Variants in AMZ2 observed in about 807,000 individuals in gnomAD.
AMZ2 encodes the protein archaemetzincin-2.
In AMZ2, 26 loss-of-function variants were observed where a neutral mutation model predicts 36.7. The ratio of observed to expected loss-of-function variants is 0.71; its 90% CI spans 0.52 to 0.98. AMZ2 has a LOEUF of 0.98. AMZ2 is among the 50% of genes least tolerant of loss of function. The pLI, the probability that AMZ2 is intolerant of heterozygous loss-of-function variation, is 0.00. For missense variants in AMZ2, 394 were observed against 430.5 expected (o/e 0.92, Z 0.75); for synonymous variants, 144 against 149.1 (o/e 0.97, Z 0.25).
chr17:68,236,751 T>C (rs1205449710), intron 1 of AMZ2, among the ~76,000 whole-genome samples: 2 of 151,804 alleles, frequency 1.3e-5, no homozygotes, highest in African/African-American at 4.8e-5. Flanking sequence ...TTTTTTTTTA[T>C]ATATATTTTA....
At chr17:68,210,716 G>T (rs2073019158) in intron 1 of AMZ2, among the ~76,000 whole-genome samples, 1 of 152,124 alleles carries the variant, frequency 6.6e-6, no homozygotes, top group African/African-American at 2.4e-5. Context: ...GGGGGGCCAC[G>T]GTGGGAGGAT....
chr17:68,237,334 C>G (rs1186514232), intron 1 of AMZ2, among the ~76,000 whole-genome samples: 15 of 143,504 alleles, frequency 1.0e-4, no homozygotes, highest in African/African-American at 4.2e-4. Context: ...TTTTGTTGTT[C>G]TTCCTATTCT....
At chr17:68,207,878 CG>C (rs1454358939) in intron 1 of AMZ2, among the ~76,000 whole-genome samples, 1 of 150,802 alleles carries the variant, frequency 6.6e-6, no homozygotes, top group African/African-American at 2.4e-5. Context: ...AGGCGGGAAC[CG>C]GGGCTGCGAG....
intron 1 of AMZ2, among the ~76,000 whole-genome samples, chr17:68,213,432 G>A (rs1253746969): frequency 1.3e-5 from 2 of 152,172 alleles, no homozygotes; most frequent in Admixed American, 1.3e-4. Context: ...TTAGAATTAG[G>A]TCACATGAAA....
upstream of AMZ2, chr17:68,247,610 G>A (rs1599391795): frequency 4.1e-6 from 4 of 984,348 alleles, no homozygotes; most frequent in Non-Finnish European, 4.8e-6. Context: ...TGACGGCCCC[G>A]GGGAGCGCTG....
rs2074253308 is a variant in AMZ2, at chr17:68,249,186, C to T, written c.-1+481C>T. The T allele has an allele frequency of 3.4e-6, 3 of 890,624 alleles. No homozygotes were observed. The South Asian group carries it at 1.7e-4, about 50-fold the overall frequency. 55.2% of individuals were successfully genotyped at this position (890,624 alleles called of 1,614,324 possible). On this transcript the variant is annotated intron_variant, in intron 1 of 6. Coordinates refer to ENST00000359904, the MANE Select transcript of AMZ2 (RefSeq NM_016627.5). ...AACTTCAGTGGCTAAGCTGTAGTTT[C>T]TCAGCCTGCAGTTAAATTGCAGAAA... is the stretch of plus-strand genomic sequence containing the variant.
chr17:68,256,466 T>C (rs1233506156), intron 6 of AMZ2, among the ~76,000 whole-genome samples: 1 of 152,256 alleles, frequency 6.6e-6, no homozygotes, highest in Non-Finnish European at 1.5e-5. Context: ...CACTTATATA[T>C]GTATATACGT....
intron 4 of AMZ2, among the ~76,000 whole-genome samples, chr17:68,252,910 T>C (rs145711560): frequency 3.2e-4 from 48 of 152,344 alleles, no homozygotes; most frequent in African/African-American, 1.0e-3. Context: ...CAGGAAACAT[T>C]TCCCCAAACT....
chr17:68,207,312 T>TCCCCCC (rs1599240418), intron 1 of AMZ2: 3 of 55,516 alleles, frequency 5.4e-5, no homozygotes, highest in Non-Finnish European at 1.1e-4. Flanking sequence ...TTTTGTTAAA[T>TCCCCCC]ACCCCCCCCC....
intron 1 of AMZ2, among the ~76,000 whole-genome samples, chr17:68,226,363 C>T (rs367797531): frequency 7.9e-5 from 12 of 152,314 alleles, no homozygotes; most frequent in South Asian, 2.1e-4. Flanking sequence ...TCCTTCAGGA[C>T]GAAGAGTGAG....
intron 1 of AMZ2, among the ~76,000 whole-genome samples, chr17:68,223,178 A>G (rs112321287): frequency 0.02 from 3,101 of 152,264 alleles, 110 homozygotes; most frequent in African/African-American, 0.069. Context: ...TGTATGTTTG[A>G]AACTTTCCAT....
At chr17:68,236,875 C>G (rs754744542) in intron 1 of AMZ2, among the ~76,000 whole-genome samples, 1 of 152,094 alleles carries the variant, frequency 6.6e-6, no homozygotes, top group Non-Finnish European at 1.5e-5. Flanking sequence ...CCACCATGCC[C>G]GGCCCAAACA....
intron 1 of AMZ2, among the ~76,000 whole-genome samples, chr17:68,212,318 G>T (rs1323323767): frequency 6.6e-6 from 1 of 152,164 alleles, no homozygotes; most frequent in East Asian, 1.9e-4. Flanking sequence ...GTTGCAGTGA[G>T]CCAAGAATAT....
intron 5 of AMZ2, 54 bp downstream of exon 5, chr17:68,254,621 C>T (rs1443439068): frequency 1.7e-5 from 25 of 1,442,252 alleles, no homozygotes; most frequent in African/African-American, 1.3e-4. Context: ...ATCTTAGTTC[C>T]GTAAACTGTA....
chr17:68,249,924 C>T, intron 1 of AMZ2: 1 of 436,212 alleles, frequency 2.3e-6, no homozygotes, highest in South Asian at 2.5e-5. Context: ...CAGGCATGAG[C>T]CACCACACCT....
chr17:68,245,312 A>G (rs1288221349), upstream of AMZ2, among the ~76,000 whole-genome samples: 2 of 151,678 alleles, frequency 1.3e-5, no homozygotes, highest in African/African-American at 4.8e-5. Flanking sequence ...ATCACAGCTG[A>G]CTGCAGCCTC....
At chr17:68,219,620 T>C (rs1356057467) in intron 1 of AMZ2, among the ~76,000 whole-genome samples, 6 of 151,982 alleles carry the variant, frequency 3.9e-5, no homozygotes, top group African/African-American at 1.2e-4. Flanking sequence ...TCGCTTTGAC[T>C]TCCCAGGTTT....
intron 1 of AMZ2, chr17:68,248,977 C>G: frequency 1.2e-6 from 1 of 826,294 alleles, no homozygotes; most frequent in Non-Finnish European, 1.6e-6. Flanking sequence ...ATGATCCAGA[C>G]AGAGATGTTC....
In AMZ2 at chr17:68,229,081, G is replaced by A. The variant is rs531824663; in HGVS notation, c.-66-19559G>A. Among the ~76,000 whole-genome samples the A allele has an allele frequency of 7.9e-4, 120 of 152,320 alleles. 1 individual carries two copies. Among genetic ancestry groups the A allele is most frequent in the Middle Eastern group, 3.4e-3 (1 of 294 alleles). On this transcript the variant is annotated intron_variant, in intron 1 of 7. Transcript: ENST00000674770. ...GCAGCTGCCCTTGCTGCCTCATGGGGTGTTTTTTGGCCTCTATCCCTCTCT... is the reference window on the plus strand; with the variant it reads ...GCAGCTGCCCTTGCTGCCTCATGGGATGTTTTTTGGCCTCTATCCCTCTCT...
Sources: gnomAD v4.1 joint callset for allele counts (sites outside exome capture counted in the v4.1 genomes callset) on GRCh38, gnomAD v4.1.1 for gene constraint, MANE v1.5 for transcripts, NCBI Gene and HGNC (gene_info 2026-07-23, HGNC 2026-07-21) for gene names.